Variants in KIF11 observed in about 807,000 individuals in gnomAD.
KIF11 encodes the protein kinesin-like protein KIF11.
KIF11 carries 9 observed loss-of-function variants against 121.0 expected under a neutral mutation model. The ratio of observed to expected loss-of-function variants is 0.07; its 90% CI spans 0.04 to 0.13. The LOEUF (loss-of-function observed/expected upper bound fraction) is 0.13. KIF11 is among the 10% of genes least tolerant of loss of function. The pLI is 1.00. For missense variants in KIF11, 846 were observed against 1,217.5 expected, an observed-to-expected ratio of 0.69 and a Z score of 4.54; for synonymous variants, 408 against 421.0, an observed-to-expected ratio of 0.97 and a Z score of 0.38.
intron 9 of KIF11, among the ~76,000 whole-genome samples, chr10:92,617,490 A>G (rs1014818243): frequency 2.6e-5 from 4 of 152,150 alleles, no homozygotes; most frequent in Non-Finnish European, 5.9e-5. Flanking sequence ...ACATTTCTGT[A>G]CATGTCTTTG....
rs1157959742 is a variant in KIF11 at position 92,655,156 on chromosome 10, A to C, written c.*1360A>C. The C allele has an allele frequency of 6.6e-6, 1 of 152,648 alleles. No homozygotes were observed. Among genetic ancestry groups the C allele is most frequent in the Admixed American group, 6.5e-5 (1 of 15,268 alleles). The allele number at this position is 152,648 out of a possible 1,614,324, so 9.5% of individuals were successfully genotyped here. A position where few individuals can be genotyped will look rare whatever the true frequency, so the allele number is the denominator to read the frequency against. ...TGTACAAAGAATAAATTTTCTGCTC[A>C]CGATGAGTTTAGTGTGTAAAGTTTA... is the stretch of plus-strand genomic sequence containing the variant. On this transcript the variant is annotated 3_prime_UTR_variant, in exon 22 of 22. Transcript: ENST00000260731.
chr10:92,614,023 C>T (rs10882090), intron 8 of KIF11, among the ~76,000 whole-genome samples: 1,380 of 8,678 alleles, frequency 0.16, 8 homozygotes, highest in East Asian at 0.28. Flanking sequence ...TATGTGTATA[C>T]ACACACACAC....
At chr10:92,599,524 C>CA (rs377476272) in intron 1 of KIF11, among the ~76,000 whole-genome samples, 21,293 of 92,094 alleles carry the variant, frequency 0.23, 2,386 homozygotes, top group African/African-American at 0.39. Context: ...GACTCTGTCT[C>CA]AAAAAAAAAA....
intron 1 of KIF11, among the ~76,000 whole-genome samples, chr10:92,601,616 TATTTGTTA>T (rs1454661814): frequency 7.4e-5 from 9 of 122,078 alleles, no homozygotes; most frequent in Admixed American, 6.6e-4. Flanking sequence ...CCTGTTCTTT[TATTTGTTA>T]GTTTGTTTGA....
In KIF11 at chr10:92,636,477, G is replaced by A. The variant is rs146283097; in HGVS notation, c.1876-707G>A. Among the ~76,000 whole-genome samples, 78 of 151,772 alleles carry A rather than the reference G, an allele frequency of 5.1e-4. No individual in the cohort carries two copies. The East Asian group carries it at 0.014, about 27-fold the overall frequency. On this transcript the variant is annotated intron_variant, in intron 14 of 21. Transcript: ENST00000260731. ...ACTGAAATACAAACATTAGCTAGGC[G>A]TGGTAGCAGGTGCCTGTAATCCCAG...
At chr10:92,636,476 C>T (rs1308141522) in intron 14 of KIF11, among the ~76,000 whole-genome samples, 8 of 151,400 alleles carry the variant, frequency 5.3e-5, no homozygotes, top group African/African-American at 1.7e-4. Flanking sequence ...ATTAGCTAGG[C>T]GTGGTAGCAG....
Position 92,649,857 on chromosome 10 carries a change from T to A in KIF11, c.2793T>A (p.Ser931Arg), listed in dbSNP as rs1203485281. 6.2e-7 allele frequency: 1 copy of A among 1,609,968 alleles called. No homozygotes were observed. Among genetic ancestry groups the A allele is most frequent in the Non-Finnish European group, 8.5e-7 (1 of 1,177,134 alleles). ...AAGGTACGACACCACAGAGGAAAAGTTATTTATACCCATCAACACTGGTAA... is the reference window on the plus strand; with the variant it reads ...AAGGTACGACACCACAGAGGAAAAGATATTTATACCCATCAACACTGGTAA... ...IPTGTTPQRK[S>R]YLYPSTLVRT... is the part of the protein sequence containing the mutation. Residue 931 changes from serine to arginine, a missense_variant, in exon 20 of 22, where the codon AGT becomes AGA. Physicochemically the swap from Ser to Arg is moderately radical, Grantham distance 110. Around this residue, in one of 5 missense-constraint regions of KIF11, gnomAD observed 492 missense variants for 603.4 expected, o/e 0.82. Coordinates refer to ENST00000260731, the MANE Select transcript of KIF11 (RefSeq NM_004523.4).
In KIF11 at chr10:92,637,496, G is replaced by A; in HGVS notation, c.2111G>A (p.Cys704Tyr). 1.2e-6 allele frequency: 2 copies of A among 1,608,790 alleles called. No homozygotes were observed. Among genetic ancestry groups the A allele is most frequent in the Non-Finnish European group, 8.5e-7 (1 of 1,178,898 alleles). Residue 704 changes from cysteine (C) to tyrosine (Y), a missense_variant, in exon 16 of 22, where the codon TGT becomes TAT. Cys to Tyr is a radical substitution (Grantham distance 194). Transcript: ENST00000260731. ...ICSLVESQKQ[C>Y]GNLTEDLKTI... The stretch of plus-strand genomic sequence containing the variant: ...TCCTTGGTTGAGTCACAAAAGCAAT[G>A]TGGAAACCTAACTGAAGACCTGAAG...
At chr10:92,596,975 G>C (rs532072257) in intron 1 of KIF11, 6 of 374,276 alleles carry the variant, frequency 1.6e-5, no homozygotes, top group Admixed American at 1.2e-4. Flanking sequence ...AGAAGTCCAG[G>C]CTGTAGATAC....
rs1387204536 is a variant in KIF11, at chr10:92,593,324, C to T, written c.-52C>T. 2 of 1,559,620 alleles carry T rather than the reference C, an allele frequency of 1.3e-6. No individual in the cohort carries two copies. Among genetic ancestry groups the T allele is most frequent in the East Asian group, 2.3e-5 (1 of 42,938 alleles). On this transcript the variant is annotated 5_prime_UTR_variant, in exon 1 of 22. Coordinates refer to ENST00000260731, the MANE Select transcript of KIF11 (RefSeq NM_004523.4). ...TGTCGGCCGCCAAGCCCCTCCGCCC[C>T]TCACAGCGCCCAGGTCCGCGGCCGG...
chr10:92,648,270 G>T lies in KIF11; in HGVS notation c.2606G>T (p.Arg869Leu), dbSNP rs202131190. 6.2e-7 allele frequency: 1 copy of T among 1,613,572 alleles called. No homozygotes were observed. Among genetic ancestry groups the T allele is most frequent in the East Asian group, 2.2e-5 (1 of 44,876 alleles). ...SSDITEKSDGRKAAHEKQHNI... is the reference protein window; with the variant it reads ...SSDITEKSDGLKAAHEKQHNI... The stretch of plus-strand genomic sequence containing the variant: ...GACATCACTGAGAAATCAGATGGAC[G>T]TAAGGCAGCTCATGAGAAACAGCAT... The change falls in exon 19 of 22, where the codon CGT becomes CTT. Residue 869 changes from arginine to leucine, a missense_variant. Physicochemically the swap from Arg to Leu is moderately radical, Grantham distance 102. Coordinates refer to ENST00000260731, the MANE Select transcript of KIF11 (RefSeq NM_004523.4).
At chr10:92,648,521 C>T in intron 19 of KIF11, 87 bp downstream of exon 19, 1 of 737,474 alleles carries the variant, frequency 1.4e-6, no homozygotes, top group Non-Finnish European at 2.2e-6. Context: ...AAATTAGGTC[C>T]TGCCATTGCC....
Position 92,652,731 on chromosome 10 carries a change from TTTATTA to T in KIF11, c.3040-926_3040-921del, listed in dbSNP as rs955915435. Among the ~76,000 whole-genome samples the T allele has an allele frequency of 2.0e-5, 3 of 152,172 alleles. No homozygotes were observed. The South Asian group carries it at 6.2e-4, about 31-fold the overall frequency. On this transcript the variant is annotated intron_variant, in intron 21 of 21. Coordinates refer to ENST00000260731, the MANE Select transcript of KIF11 (RefSeq NM_004523.4). ...TACTTAATCCCTGGTCAGAAATCGT[TTTATTA>T]TTATTATCTGTGGCATTTTGAATTA... is the stretch of plus-strand genomic sequence containing the variant.
chr10:92,607,753 A>G (rs1041472275), intron 4 of KIF11, among the ~76,000 whole-genome samples: 2 of 152,208 alleles, frequency 1.3e-5, no homozygotes, highest in Non-Finnish European at 2.9e-5. Context: ...ACTGGAAGAA[A>G]GTTGAAAGAA....
At chr10:92,639,926 A>G in intron 17 of KIF11, 26 bp downstream of exon 17, 4 of 1,213,736 alleles carry the variant, frequency 3.3e-6, no homozygotes, top group East Asian at 2.3e-5. Flanking sequence ...ATTCTCTTAA[A>G]CTTTTCTGTA....
chr10:92,593,224 G>C lies in KIF11; in HGVS notation c.-152G>C. On this transcript the variant is annotated 5_prime_UTR_variant, in exon 1 of 22. Transcript: ENST00000260731. Reference sequence around the variant, plus strand: ...ACGGCCAGAGTACCGGGTAGAGAGCGGGGACGCCGACCTGCGTGCGTCGGT... The same window carrying C: ...ACGGCCAGAGTACCGGGTAGAGAGCCGGGACGCCGACCTGCGTGCGTCGGT... 4.5e-6 allele frequency: 3 copies of C among 669,630 alleles called. No homozygotes were observed. The highest frequency in any genetic ancestry group is 5.1e-6 in the Non-Finnish European group (2 of 389,650). The allele number at this position is 669,630 out of a possible 1,614,324, so 41.5% of individuals were successfully genotyped here.
intron 1 of KIF11, among the ~76,000 whole-genome samples, chr10:92,601,680 C>T (rs1310166119): frequency 6.6e-6 from 1 of 151,744 alleles, no homozygotes; most frequent in African/African-American, 2.4e-5. Flanking sequence ...TATAGACACA[C>T]TACTACACCC....
In KIF11 at chr10:92,616,837, C is replaced by G. The variant is rs751815162; in HGVS notation, c.1128+5C>G. 2.7e-6 allele frequency: 4 copies of G among 1,498,394 alleles called. No homozygotes were observed. Among genetic ancestry groups the G allele is most frequent in the Middle Eastern group, 1.8e-4 (1 of 5,526 alleles). 92.8% of individuals were successfully genotyped at this position (1,498,394 alleles called of 1,614,324 possible). A position where few individuals can be genotyped will look rare whatever the true frequency, so the allele number is the denominator to read the frequency against. ...ACCAAAAAAGCTCTTATTAAGGTAA[C>G]TGTGAATTTTTGTAGAGTAATGTAA... On this transcript the variant is annotated splice_donor_5th_base_variant and intron_variant, in intron 9 of 21. Coordinates refer to ENST00000260731, the MANE Select transcript of KIF11 (RefSeq NM_004523.4).
At chr10:92,615,018 A>T (rs769369966) in intron 8 of KIF11, among the ~76,000 whole-genome samples, 2 of 151,014 alleles carry the variant, frequency 1.3e-5, no homozygotes, top group African/African-American at 2.4e-5. Context: ...CTGGTCTTGA[A>T]CTCCTGGGCT....
Sources: allele counts gnomAD v4.1 joint callset (sites outside exome capture counted in the v4.1 genomes callset), GRCh38; gene constraint gnomAD v4.1.1; regional missense constraint gnomAD v4.1.1; transcripts MANE v1.5; gene names NCBI Gene and HGNC (gene_info 2026-07-23, HGNC 2026-07-21).